CCDC9: variants seen among roughly 807,000 people sequenced by gnomAD.
CCDC9 encodes coiled-coil domain-containing protein 9.
Under a neutral mutation model 65.6 loss-of-function variants are expected in CCDC9, and 52 were observed. The ratio of observed to expected loss-of-function variants is 0.79; its 90% CI spans 0.63 to 1.00. The LOEUF is 1.00. CCDC9 is among the 50% of genes least tolerant of loss of function. The pLI, the probability that CCDC9 is intolerant of heterozygous loss-of-function variation, is 0.00. For synonymous variants in CCDC9, 332 were observed against 280.3 expected (o/e 1.18, Z -1.84); for missense variants, 834 against 757.2 (o/e 1.10, Z -1.19).
chr19:47,273,216 C>A (rs1467928679), downstream of CCDC9: 2 of 428,458 alleles, frequency 4.7e-6, no homozygotes, highest in Non-Finnish European at 7.8e-6. Context: ...GTCTGGGCCC[C>A]GTAAACCGCT....
intron 2 of CCDC9, 25 bp from the exon 3 acceptor site, chr19:47,258,534 T>C (rs1212614156): frequency 8.7e-6 from 14 of 1,609,530 alleles, no homozygotes; most frequent in Non-Finnish European, 1.2e-5. Flanking sequence ...TTTCCTTCCA[T>C]CCCTCAACTG....
chr19:47,271,210 G>A, intron 11 of CCDC9, 23 bp downstream of exon 11: 1 of 1,606,704 alleles, frequency 6.2e-7, no homozygotes. Context: ...TGTGGTTCAG[G>A]GCACGGGCCT....
rs146588636 is a variant in CCDC9 at position 47,266,679 on chromosome 19, G to A, written c.789G>A (p.Glu263=). 2.9e-5 allele frequency: 46 copies of A among 1,607,512 alleles called. No individual in the cohort carries two copies. The African/African-American group carries it at 5.6e-4, about 20-fold the overall frequency. ...TLSMTGRERS[E]YLRWKQEREK... ...CCATGACGGGCCGGGAGCGGTCGGA[G>A]TACCTGCGCTGGAAGCAGGAGAGGG... is the stretch of plus-strand genomic sequence containing the variant. Residue 263 remains glutamate (E), a synonymous_variant, in exon 8 of 12, where the codon GAG becomes GAA. Transcript: ENST00000221922.
At chr19:47,268,875 A>G (rs1056460681) in intron 8 of CCDC9, among the ~76,000 whole-genome samples, 1 of 151,708 alleles carries the variant, frequency 6.6e-6, no homozygotes, top group Non-Finnish European at 1.5e-5. Context: ...CCGAGATCTC[A>G]CCACTGCATT....
downstream of CCDC9, chr19:47,274,931 C>A: frequency 2.3e-6 from 3 of 1,333,148 alleles, no homozygotes; most frequent in Non-Finnish European, 2.8e-6. Context: ...TGCGGGGGAC[C>A]AGCTGCGTGG....
chr19:47,266,513 C>T (rs2059083196), intron 7 of CCDC9, 98 bp from the exon 8 acceptor site: 7 of 1,432,692 alleles, frequency 4.9e-6, no homozygotes, highest in Non-Finnish European at 6.4e-6. Flanking sequence ...CTTGTCATCG[C>T]TTCCCTGTGT....
At chr19:47,273,347 C>T, downstream of CCDC9, 2 of 1,231,380 alleles carry the variant, frequency 1.6e-6, no homozygotes, top group African/African-American at 1.6e-5. Context: ...TCAGCCCCTT[C>T]TCTCCTCAGA....
At chr19:47,272,087 C>T, downstream of CCDC9, 2 of 1,236,524 alleles carry the variant, frequency 1.6e-6, no homozygotes, top group Middle Eastern at 3.1e-4. Context: ...CAGTCAGCCC[C>T]TGCCTTCCCG....
downstream of CCDC9, chr19:47,275,457 C>T (rs560773276): frequency 1.4e-5 from 20 of 1,384,458 alleles, no homozygotes; most frequent in Middle Eastern, 2.2e-4. Flanking sequence ...TGACATCGCT[C>T]AGCGTCTCTG....
At chr19:47,275,686 C>T (rs987531312), downstream of CCDC9, 4 of 355,882 alleles carry the variant, frequency 1.1e-5, no homozygotes, top group East Asian at 1.1e-4. Context: ...AAACGACAGC[C>T]TCGGCTGCCT....
intron 3 of CCDC9, 87 bp downstream of exon 3, chr19:47,258,750 A>T: frequency 1.1e-6 from 1 of 936,788 alleles, no homozygotes; most frequent in Non-Finnish European, 1.7e-6. Flanking sequence ...AAACCTTTTC[A>T]TGGCTCCCCA....
chr19:47,264,698 G>A lies in CCDC9; in HGVS notation c.546+12G>A, dbSNP rs199988747. 132 of 1,602,936 alleles carry A rather than the reference G, an allele frequency of 8.2e-5. 2 individuals carry two copies. The highest frequency in any genetic ancestry group is 3.3e-4 in the Middle Eastern group (2 of 6,036). On this transcript the variant is annotated intron_variant, in intron 6 of 11. Coordinates refer to ENST00000221922, the MANE Select transcript of CCDC9 (RefSeq NM_015603.3). ...AGCGCAACCAGCGGGTCAGTGGTGCGGGTGTCCCCGAGGCAGGGCCGAGCT... is the reference window on the plus strand; with the variant it reads ...AGCGCAACCAGCGGGTCAGTGGTGCAGGTGTCCCCGAGGCAGGGCCGAGCT...
At chr19:47,257,357 C>T (rs929830892) in intron 1 of CCDC9, among the ~76,000 whole-genome samples, 6 of 143,232 alleles carry the variant, frequency 4.2e-5, no homozygotes, top group African/African-American at 1.6e-4. Context: ...GCCTGCGAGC[C>T]AGGAGGCGGG....
intron 10 of CCDC9, 76 bp from the exon 11 acceptor site, chr19:47,271,006 G>A: frequency 9.0e-7 from 1 of 1,114,330 alleles, no homozygotes; most frequent in Non-Finnish European, 1.3e-6. Flanking sequence ...TCCTCCCTAG[G>A]GAGGGTGGAG....
At chr19:47,268,155 T>G (rs564293843) in intron 8 of CCDC9, among the ~76,000 whole-genome samples, 1 of 152,090 alleles carries the variant, frequency 6.6e-6, no homozygotes, top group East Asian at 1.9e-4. Context: ...CACCACCACC[T>G]TCTTAACCCA....
At chr19:47,258,139 C>T (rs993253986) in intron 1 of CCDC9, 191 bp from the exon 2 acceptor site, 4 of 566,910 alleles carry the variant, frequency 7.1e-6, no homozygotes, top group South Asian at 6.2e-5. Context: ...CCACAAAGAT[C>T]ATGAAAGGGC....
At chr19:47,261,397 C>T (rs996837559) in intron 5 of CCDC9, among the ~76,000 whole-genome samples, 3 of 152,080 alleles carry the variant, frequency 2.0e-5, no homozygotes, top group Non-Finnish European at 2.9e-5. Flanking sequence ...CTCACTCACC[C>T]CTGACGTGCA....
Position 47,271,603 on chromosome 19 carries a change from G to GCTGAATTCTCCCCGGA in CCDC9, c.1523_1538dup (p.Thr514GlufsTer16). 6.2e-7 allele frequency: 1 copy of GCTGAATTCTCCCCGGA among 1,612,586 alleles called. No homozygotes were observed. The highest frequency in any genetic ancestry group is 8.5e-7 in the Non-Finnish European group (1 of 1,179,566). On this transcript the variant is annotated frameshift_variant, in exon 12 of 12. Transcript: ENST00000221922. LOFTEE classifies it high-confidence loss of function. The stretch of plus-strand genomic sequence containing the variant: ...TGTCCGATTGGGGTGAAGAGGTGGA[G>GCTGAATTCTCCCCGGA]CTGAATTCTCCCCGGACCACTCACC...
intron 3 of CCDC9, among the ~76,000 whole-genome samples, chr19:47,259,780 A>T (rs1185900046): frequency 6.6e-6 from 1 of 152,226 alleles, no homozygotes; most frequent in Non-Finnish European, 1.5e-5. Flanking sequence ...GCCGTAGTGG[A>T]GGAAGCAGAC....
Sources: gnomAD v4.1 joint callset for allele counts (sites outside exome capture counted in the v4.1 genomes callset) on GRCh38, gnomAD v4.1.1 for gene constraint, MANE v1.5 for transcripts, NCBI Gene and HGNC (gene_info 2026-07-23, HGNC 2026-07-21) for gene names.